Variants in MAN1A1 observed in about 807,000 individuals in gnomAD.
MAN1A1 encodes mannosidase alpha class 1A member 1.
MAN1A1 carries 29 observed loss-of-function variants against 70.8 expected under a neutral mutation model. The observed-to-expected ratio is 0.41, with a 90% confidence interval of 0.31 to 0.56. The LOEUF (loss-of-function observed/expected upper bound fraction) is 0.56, where lower values mean the gene tolerates loss of function less well. Ranked by LOEUF, MAN1A1 falls within the 20% of genes least tolerant of loss-of-function variation. The probability of loss-of-function intolerance (pLI) is 0.29; values close to 1 mark genes in which losing one functional copy is unlikely to be tolerated. For missense variants in MAN1A1, 747 were observed against 841.3 expected, an observed-to-expected ratio of 0.89 and a Z score of 1.39; for synonymous variants, 349 against 330.1, an observed-to-expected ratio of 1.06 and a Z score of -0.62.
chr6:119,341,162 A>T (rs1773585659), intron 2 of MAN1A1, among the ~76,000 whole-genome samples: 1 of 152,098 alleles, frequency 6.6e-6, no homozygotes, highest in Non-Finnish European at 1.5e-5. Context: ...GTTTTTTTTC[A>T]AGTACCTAAT....
intron 2 of MAN1A1, among the ~76,000 whole-genome samples, chr6:119,315,877 G>GCC (rs1772836968): frequency 6.6e-6 from 1 of 152,178 alleles, no homozygotes; most frequent in South Asian, 2.1e-4. Context: ...CCAGGCAGAA[G>GCC]CTGTCACTGA....
chr6:119,252,617 C>T (rs937350781), intron 5 of MAN1A1, among the ~76,000 whole-genome samples: 1 of 151,996 alleles, frequency 6.6e-6, no homozygotes, highest in African/African-American at 2.4e-5. Context: ...CATGGTGAAA[C>T]CCCGTCTCTA....
chr6:119,287,490 T>C (rs1776408888), intron 5 of MAN1A1, among the ~76,000 whole-genome samples: 2 of 152,132 alleles, frequency 1.3e-5, no homozygotes, highest in Admixed American at 6.6e-5. Context: ...TCTGTAGTAG[T>C]ATTTCCAAAA....
At chr6:119,214,991 T>C (rs528878323) in intron 6 of MAN1A1, among the ~76,000 whole-genome samples, 3 of 151,620 alleles carry the variant, frequency 2.0e-5, no homozygotes, top group South Asian at 4.2e-4. Context: ...TAGGTGGGAA[T>C]TGAACAATGA....
chr6:119,231,580 G>A (rs1774677916), intron 6 of MAN1A1, among the ~76,000 whole-genome samples: 1 of 152,130 alleles, frequency 6.6e-6, no homozygotes, highest in African/African-American at 2.4e-5. Context: ...GCCTCCTCAA[G>A]GCTGGAGGCT....
At chr6:119,263,272 A>G (rs985793485) in intron 5 of MAN1A1, among the ~76,000 whole-genome samples, 3 of 152,090 alleles carry the variant, frequency 2.0e-5, no homozygotes, top group African/African-American at 7.2e-5. Context: ...TTAATTTAAT[A>G]CTTACAGGAT....
chr6:119,189,837 TAA>T lies in MAN1A1; in HGVS notation c.1371_1372del (p.Ile459ArgfsTer28). On this transcript the variant is annotated frameshift_variant, in exon 10 of 13. Transcript: ENST00000368468. LOFTEE classifies it high-confidence loss of function. ...GAGGCCCCCTTTCCACTCTGCGATA[TAA>T]GTTAGTCCGCTGCTAGACTTGCGGA... The T allele has an allele frequency of 1.9e-6, 3 of 1,614,106 alleles. No homozygotes were observed. Among genetic ancestry groups the T allele is most frequent in the East Asian group, 2.2e-5 (1 of 44,874 alleles).
intron 5 of MAN1A1, among the ~76,000 whole-genome samples, chr6:119,263,254 A>G (rs954404332): frequency 3.9e-5 from 6 of 152,016 alleles, no homozygotes; most frequent in Non-Finnish European, 7.4e-5. Context: ...ATTATATTTT[A>G]TTAAGTATTA....
intron 5 of MAN1A1, among the ~76,000 whole-genome samples, chr6:119,285,825 C>T (rs1776359152): frequency 6.6e-6 from 1 of 152,066 alleles, no homozygotes; most frequent in South Asian, 2.1e-4. Flanking sequence ...CTTGTTTATA[C>T]CACATATTTC....
chr6:119,197,609 G>C (rs1178558891), intron 8 of MAN1A1, among the ~76,000 whole-genome samples: 1 of 152,130 alleles, frequency 6.6e-6, no homozygotes, highest in African/African-American at 2.4e-5. Context: ...GGGGATCCTG[G>C]AAGAAATGGC....
At chr6:119,197,377 C>T (rs973282944) in intron 8 of MAN1A1, among the ~76,000 whole-genome samples, 4 of 151,756 alleles carry the variant, frequency 2.6e-5, no homozygotes, top group African/African-American at 9.7e-5. Context: ...TCACAAAATT[C>T]AAGTAAGTAA....
intron 5 of MAN1A1, chr6:119,269,844 A>T (rs1775867739): frequency 6.6e-6 from 1 of 152,208 alleles, no homozygotes; most frequent in Admixed American, 6.5e-5. Context: ...ATTTTTAATT[A>T]GAGATAGGGT....
intron 9 of MAN1A1, among the ~76,000 whole-genome samples, chr6:119,192,286 C>T (rs1173976492): frequency 2.6e-5 from 4 of 152,122 alleles, no homozygotes; most frequent in African/African-American, 9.7e-5. Flanking sequence ...AGGTTAAAAT[C>T]TGAAACCTCA....
At chr6:119,199,856 A>G (rs1490543824) in intron 8 of MAN1A1, among the ~76,000 whole-genome samples, 1 of 152,032 alleles carries the variant, frequency 6.6e-6, no homozygotes, top group Non-Finnish European at 1.5e-5. Context: ...TGAGCCCAGG[A>G]GGCAGAGGTT....
rs773614874 is a variant in MAN1A1 at position 119,189,764 on chromosome 6, G to A, written c.1446C>T (p.Phe482=). The A allele has an allele frequency of 5.6e-6, 9 of 1,614,076 alleles. No individual in the cohort carries two copies. The highest frequency in any genetic ancestry group is 5.0e-5 in the Admixed American group (3 of 60,012). The part of the protein sequence containing the change: ...GHLTCFAGGM[F]ALGADAAPEG... ...CGGGAGCTGCATCAGCCCCGAGTGC[G>A]AACATGCCCCCCGCGAAGCAGGTCA... The change falls in exon 10 of 13, where the codon TTC becomes TTT. Residue 482 remains phenylalanine, a synonymous_variant. Coordinates refer to ENST00000368468, the MANE Select transcript of MAN1A1 (RefSeq NM_005907.4).
At chr6:119,328,889 A>G (rs903744523) in intron 2 of MAN1A1, among the ~76,000 whole-genome samples, 19 of 152,224 alleles carry the variant, frequency 1.2e-4, no homozygotes, top group Admixed American at 7.9e-4. Flanking sequence ...AAGGTGGGGA[A>G]CTGTCATTTC....
rs372688734 is a variant in MAN1A1 at position 119,256,411 on chromosome 6, A to ATT, written c.898-8059_898-8058dup. ...AAATGAATGAATAAAATTGTATCTC[A>ATT]TTATTTTTTTTTTTTTCATGAGAGA... On this transcript the variant is annotated intron_variant, in intron 5 of 12. Transcript: ENST00000368468. Among the ~76,000 whole-genome samples the ATT allele has an allele frequency of 2.8e-3, 330 of 117,956 alleles. 5 individuals carry two copies. The South Asian group carries it at 0.044, about 16-fold the overall frequency. The allele number at this position is 117,956 out of a possible 152,430, so 77.4% of individuals were successfully genotyped here. A position where few individuals can be genotyped will look rare whatever the true frequency, so the allele number is the denominator to read the frequency against.
intron 6 of MAN1A1, 148 bp downstream of exon 6, chr6:119,248,112 G>A: frequency 1.7e-6 from 1 of 595,204 alleles, no homozygotes; most frequent in South Asian, 2.4e-5. Context: ...GCTAATAGCT[G>A]CCAACAAAAA....
intron 2 of MAN1A1, among the ~76,000 whole-genome samples, chr6:119,309,001 T>G (rs1772628587): frequency 6.6e-6 from 1 of 152,224 alleles, no homozygotes; most frequent in Non-Finnish European, 1.5e-5. Context: ...AAGCTGACAC[T>G]AATTGGTTAG....
Sources: allele counts gnomAD v4.1 joint callset (sites outside exome capture counted in the v4.1 genomes callset), GRCh38; gene constraint gnomAD v4.1.1; transcripts MANE v1.5; gene names NCBI Gene and HGNC (gene_info 2026-07-23, HGNC 2026-07-21).